The following ABCA10 variants were observed in gnomAD, a reference collection of about 807,000 sequenced individuals.
ABCA10 encodes ATP-binding cassette sub-family A member 10.
A neutral mutation model predicts 187.5 loss-of-function variants in ABCA10; 169 were observed. That is an observed-to-expected ratio of 0.90 (90% CI 0.80 to 1.02). The LOEUF (loss-of-function observed/expected upper bound fraction) is 1.02, where lower values mean the gene tolerates loss of function less well. Ranked by LOEUF, ABCA10 falls within the 50% of genes least tolerant of loss-of-function variation. The pLI, the probability that ABCA10 is intolerant of heterozygous loss-of-function variation, is 0.00. For synonymous variants in ABCA10, 574 were observed against 601.8 expected, an observed-to-expected ratio of 0.95 and a Z score of 0.68; for missense variants, 1,727 against 1,812.4, an observed-to-expected ratio of 0.95 and a Z score of 0.86.
chr17:69,224,079 C>T (rs755617435), intron 3 of ABCA10, among the ~76,000 whole-genome samples: 1 of 152,056 alleles, frequency 6.6e-6, no homozygotes, highest in Non-Finnish European at 1.5e-5. Context: ...AAGGGAGGCC[C>T]ACCAAAGTCA....
intron 5 of ABCA10, among the ~76,000 whole-genome samples, chr17:69,220,498 T>C (rs1171103640): frequency 1.3e-5 from 2 of 152,156 alleles, no homozygotes; most frequent in Non-Finnish European, 2.9e-5. Flanking sequence ...GGTAAAAGAT[T>C]GGATGTGATG....
rs183170494 is a variant in ABCA10 at position 69,148,725 on chromosome 17, T to C, written c.*102A>G. 1.9e-4 allele frequency: 182 copies of C among 980,078 alleles called. 1 individual carries two copies. The highest frequency in any genetic ancestry group is 2.7e-4 in the Non-Finnish European group (175 of 658,222). The allele number at this position is 980,078 out of a possible 1,614,324, so 60.7% of individuals were successfully genotyped here. A position where few individuals can be genotyped will look rare whatever the true frequency, so the allele number is the denominator to read the frequency against. On this transcript the variant is annotated 3_prime_UTR_variant, in exon 39 of 39. Transcript: ENST00000690296. ...TAATCATTATTGAATGTTTATTAAA[T>C]GTTTTCTTTTGTTAACTGAAGTAAA... is the stretch of plus-strand genomic sequence containing the variant.
rs548145232 is a variant in ABCA10 at position 69,190,463 on chromosome 17, G to A, written c.2026C>T (p.Leu676Phe). 6.4e-7 allele frequency: 1 copy of A among 1,572,980 alleles called. No homozygotes were observed. Among genetic ancestry groups the A allele is most frequent in the Non-Finnish European group, 8.6e-7 (1 of 1,167,704 alleles). ...ATGCCCTGGTCAGAACACTTATCAA[G>A]GTCACTGTAAAGATCTAAAAAGCCA... ...TNKFPDLYSD[L>F]DKCSDQGIRN... Residue 676 changes from leucine (L) to phenylalanine (F), a missense_variant, in exon 18 of 39, where the codon CTT (leucine) becomes TTT (phenylalanine). Physicochemically the swap from Leu to Phe is conservative, Grantham distance 22 (BLOSUM62 0). Coordinates refer to ENST00000690296, the MANE Select transcript of ABCA10 (RefSeq NM_001377321.1).
Position 69,187,802 on chromosome 17 carries a change from A to G in ABCA10, c.2209T>C (p.Cys737Arg). 6.2e-7 allele frequency: 1 copy of G among 1,613,954 alleles called. No homozygotes were observed. The highest frequency in any genetic ancestry group is 1.1e-5 in the South Asian group (1 of 91,060). ...GCCTTTCTTGTTTCAGGAAGAGAAC[A>G]AAGAACCTGTTCCATTTCAGACTCA... ...GDESEMEQVL[C>R]SLPETRKAVS... Residue 737 changes from cysteine to arginine, a missense_variant, in exon 19 of 39, where the codon TGT becomes CGT. By Grantham distance (180) the Cys-to-Arg change is radical (BLOSUM62 -3). Transcript: ENST00000690296.
intron 18 of ABCA10, among the ~76,000 whole-genome samples, chr17:69,188,740 G>A (rs898307815): frequency 1.3e-5 from 2 of 151,632 alleles, no homozygotes; most frequent in Non-Finnish European, 1.5e-5. Context: ...CTTTGTATTC[G>A]TGTGTATTCA....
chr17:69,187,819 T>A lies in ABCA10; in HGVS notation c.2192A>T (p.Glu731Val), dbSNP rs1247437417. The change falls in exon 19 of 39, where the codon GAA (glutamate) becomes GTA (valine). Residue 731 changes from glutamate (E) to valine (V), a missense_variant. Coordinates refer to ENST00000690296, the MANE Select transcript of ABCA10 (RefSeq NM_001377321.1). ...HVTRNTGDESEMEQVLCSLPE... is the reference protein window; with the variant it reads ...HVTRNTGDESVMEQVLCSLPE... ...AAGAGAACAAAGAACCTGTTCCATT[T>A]CAGACTCATCTCCAGTATTTCTTGT... 6.2e-7 allele frequency: 1 copy of A among 1,613,908 alleles called. No homozygotes were observed. Among genetic ancestry groups the A allele is most frequent in the Admixed American group, 1.7e-5 (1 of 60,006 alleles).
chr17:69,229,224 T>C (rs1453738774), upstream of ABCA10, among the ~76,000 whole-genome samples: 1 of 152,016 alleles, frequency 6.6e-6, no homozygotes, highest in African/African-American at 2.4e-5. Flanking sequence ...TCTACTCACA[T>C]CCATTAAACA....
chr17:69,177,372 T>C (rs2074341845), intron 22 of ABCA10, among the ~76,000 whole-genome samples: 1 of 152,196 alleles, frequency 6.6e-6, no homozygotes, highest in Non-Finnish European at 1.5e-5. Flanking sequence ...CCTCTTCCTG[T>C]ATGCTGGTCC....
chr17:69,175,201 T>C (rs892803469), intron 23 of ABCA10, among the ~76,000 whole-genome samples: 1 of 152,186 alleles, frequency 6.6e-6, no homozygotes, highest in Non-Finnish European at 1.5e-5. Flanking sequence ...CCCTTACAGC[T>C]GTGGCAATTT....
At chr17:69,175,967 C>T (rs1408638968) in intron 22 of ABCA10, among the ~76,000 whole-genome samples, 1 of 152,048 alleles carries the variant, frequency 6.6e-6, no homozygotes, top group Non-Finnish European at 1.5e-5. Flanking sequence ...CTCAGAACAG[C>T]ATGCAATTTA....
chr17:69,184,333 A>C (rs1274451149), intron 20 of ABCA10, among the ~76,000 whole-genome samples: 1 of 152,008 alleles, frequency 6.6e-6, no homozygotes, highest in African/African-American at 2.4e-5. Flanking sequence ...ATACTTATCC[A>C]GGCGACCCTA....
chr17:69,152,115 T>C lies in ABCA10; in HGVS notation c.4325A>G (p.Lys1442Arg). The C allele has an allele frequency of 6.2e-7, 1 of 1,613,896 alleles. No individual in the cohort carries two copies. Among genetic ancestry groups the C allele is most frequent in the Non-Finnish European group, 8.5e-7 (1 of 1,179,944 alleles). Residue 1442 changes from lysine to arginine, a missense_variant, in exon 36 of 39, where the codon AAA (lysine) becomes AGA (arginine). Transcript: ENST00000690296. Reference protein sequence around the residue: ...GRDYLLEIKMKEPTQVEALHT... With the variant: ...GRDYLLEIKMREPTQVEALHT... ...GAGAGCTTCCACCTGGGTAGGTTCT[T>C]TCATTTTTATTTCTAGTAAATAATC...
At chr17:69,217,095 A>T (rs1415389305) in intron 6 of ABCA10, among the ~76,000 whole-genome samples, 1 of 152,022 alleles carries the variant, frequency 6.6e-6, no homozygotes, top group African/African-American at 2.4e-5. Flanking sequence ...AAAATACAAA[A>T]AATTAGCTGG....
intron 9 of ABCA10, among the ~76,000 whole-genome samples, chr17:69,205,945 G>GT (rs1268686381): frequency 6.6e-6 from 1 of 152,140 alleles, no homozygotes; most frequent in Non-Finnish European, 1.5e-5. Context: ...TGTAAAACTT[G>GT]TAATTCTAAT....
intron 18 of ABCA10, 60 bp downstream of exon 18, chr17:69,190,297 AC>A: frequency 6.8e-7 from 1 of 1,473,286 alleles, no homozygotes; most frequent in Non-Finnish European, 8.9e-7. Flanking sequence ...ATGAATTAGA[AC>A]ATCATCTTTT....
At chr17:69,201,132 C>T (rs968073128) in intron 10 of ABCA10, among the ~76,000 whole-genome samples, 3 of 152,168 alleles carry the variant, frequency 2.0e-5, no homozygotes, top group Non-Finnish European at 2.9e-5. Context: ...TCCCTATACT[C>T]CCTATGGGAA....
At position 69,150,068 on chromosome 17, in the gene ABCA10, C is replaced by CAGGA; in HGVS notation, c.4398-9_4398-6dup. On this transcript the variant is annotated splice_region_variant and splice_polypyrimidine_tract_variant and intron_variant, in intron 36 of 38. Transcript: ENST00000690296. Reference sequence around the variant, plus strand: ...TACGCCATTAAAGAGGAATATCTGTCAGGAAGAAGAGTGAGATTTATTACT... The same window carrying CAGGA: ...TACGCCATTAAAGAGGAATATCTGTCAGGAAGGAAGAAGAGTGAGATTTATTACT... 1.0e-5 allele frequency: 16 copies of CAGGA among 1,604,374 alleles called. No individual in the cohort carries two copies. The highest frequency in any genetic ancestry group is 1.4e-5 in the Non-Finnish European group (16 of 1,172,788).
intron 25 of ABCA10, among the ~76,000 whole-genome samples, chr17:69,166,269 G>A (rs1310984917): frequency 2.0e-5 from 3 of 151,842 alleles, no homozygotes; most frequent in East Asian, 1.9e-4. Context: ...GAATAATACC[G>A]TAGGACCTAG....
upstream of ABCA10, among the ~76,000 whole-genome samples, chr17:69,231,241 C>T (rs1412592379): frequency 6.6e-6 from 1 of 152,076 alleles, no homozygotes; most frequent in Non-Finnish European, 1.5e-5. Flanking sequence ...CATTACGTGG[C>T]ATTCTCTCTT....
Sources: allele counts gnomAD v4.1 joint callset (sites outside exome capture counted in the v4.1 genomes callset), GRCh38; gene constraint gnomAD v4.1.1; transcripts MANE v1.5; gene names NCBI Gene and HGNC (gene_info 2026-07-23, HGNC 2026-07-21).